ARHGAP15: variants seen among roughly 807,000 people sequenced by gnomAD.
ARHGAP15 encodes rho GTPase-activating protein 15.
In ARHGAP15, 51 loss-of-function variants were observed where a neutral mutation model predicts 63.7. That is an observed-to-expected ratio of 0.80 (90% CI 0.64 to 1.01). The LOEUF is 1.01. Among genes scored for constraint, ARHGAP15 ranks in the 50% least tolerant of loss-of-function variants. ARHGAP15 has a pLI of 0.00. For missense variants in ARHGAP15, 560 were observed against 564.6 expected (o/e 0.99, Z 0.08); for synonymous variants, 191 against 193.8 (o/e 0.99, Z 0.12).
intron 1 of ARHGAP15, among the ~76,000 whole-genome samples, chr2:143,141,220 A>T (rs1689348556): frequency 6.6e-6 from 1 of 152,114 alleles, no homozygotes; most frequent in Non-Finnish European, 1.5e-5. Context: ...TTGGTGGCAA[A>T]CTTGAACATG....
At chr2:143,645,375 G>T (rs987951298) in intron 12 of ARHGAP15, among the ~76,000 whole-genome samples, 2 of 152,012 alleles carry the variant, frequency 1.3e-5, no homozygotes, top group South Asian at 4.1e-4. Context: ...AACATGTAGG[G>T]TCAGCAGGAT....
chr2:143,258,198 A>G (rs1208151037), intron 6 of ARHGAP15, among the ~76,000 whole-genome samples: 1 of 152,078 alleles, frequency 6.6e-6, no homozygotes, highest in Non-Finnish European at 1.5e-5. Context: ...GACGCTATTC[A>G]GTTTTTAGAA....
At chr2:143,240,014 A>AAAAAAC (rs1693804065) in intron 5 of ARHGAP15, among the ~76,000 whole-genome samples, 1 of 147,862 alleles carries the variant, frequency 6.8e-6, no homozygotes, top group South Asian at 2.2e-4. Context: ...AAAAAAAAAA[A>AAAAAAC]AAAAAAACCA....
chr2:143,194,212 T>C (rs552099596), intron 2 of ARHGAP15, among the ~76,000 whole-genome samples: 1 of 152,336 alleles, frequency 6.6e-6, no homozygotes, highest in Admixed American at 6.5e-5. Flanking sequence ...TTGTTTTCTG[T>C]TGTCTTAAAT....
intron 3 of ARHGAP15, among the ~76,000 whole-genome samples, chr2:143,206,250 A>G (rs1692326418): frequency 6.6e-6 from 1 of 152,070 alleles, no homozygotes. Context: ...AGAGGCCATG[A>G]CTTGTATTTT....
intron 10 of ARHGAP15, among the ~76,000 whole-genome samples, chr2:143,522,636 G>A (rs146890780): frequency 2.3e-4 from 35 of 152,226 alleles, no homozygotes; most frequent in African/African-American, 7.7e-4. Flanking sequence ...CACATTGGAA[G>A]AAGAAGAATT....
At chr2:143,504,240 A>G (rs1693202440) in intron 9 of ARHGAP15, among the ~76,000 whole-genome samples, 1 of 152,154 alleles carries the variant, frequency 6.6e-6, no homozygotes. Context: ...CAATTTTGTT[A>G]TTCATTTAAT....
intron 10 of ARHGAP15, among the ~76,000 whole-genome samples, chr2:143,545,609 C>T (rs542700575): frequency 6.6e-5 from 10 of 151,542 alleles, no homozygotes; most frequent in African/African-American, 2.2e-4. Flanking sequence ...TTTTCTTGTG[C>T]CATAATCCCC....
intron 11 of ARHGAP15, among the ~76,000 whole-genome samples, chr2:143,575,762 C>T (rs533072658): frequency 6.6e-6 from 1 of 152,198 alleles, no homozygotes; most frequent in Admixed American, 6.6e-5. Flanking sequence ...AGCCTGAATC[C>T]ATTATTTCCA....
intron 8 of ARHGAP15, among the ~76,000 whole-genome samples, chr2:143,457,521 T>G (rs1457869098): frequency 6.6e-6 from 1 of 151,582 alleles, no homozygotes; most frequent in Non-Finnish European, 1.5e-5. Context: ...AGTGAAACCC[T>G]GTGTTGTTTT....
intron 13 of ARHGAP15, among the ~76,000 whole-genome samples, chr2:143,704,841 T>C (rs1373999486): frequency 6.6e-6 from 1 of 152,218 alleles, no homozygotes; most frequent in African/African-American, 2.4e-5. Flanking sequence ...TGATTTTTCA[T>C]TGTGAATGTA....
chr2:143,659,511 G>T (rs536959582), intron 12 of ARHGAP15, among the ~76,000 whole-genome samples: 2 of 152,270 alleles, frequency 1.3e-5, no homozygotes, highest in African/African-American at 2.4e-5. Context: ...GCTGGGTAGT[G>T]ATTTCCTGGG....
At chr2:143,379,169 A>G (rs955876480) in intron 6 of ARHGAP15, among the ~76,000 whole-genome samples, 1 of 151,922 alleles carries the variant, frequency 6.6e-6, no homozygotes, top group African/African-American at 2.4e-5. Context: ...CATGCCTTCC[A>G]TGTACATGAC....
At chr2:143,504,000 G>T (rs1693190303) in intron 9 of ARHGAP15, among the ~76,000 whole-genome samples, 2 of 152,152 alleles carry the variant, frequency 1.3e-5, no homozygotes, top group Non-Finnish European at 2.9e-5. Flanking sequence ...AATTACACAT[G>T]GAAAAGTGTG....
intron 8 of ARHGAP15, among the ~76,000 whole-genome samples, chr2:143,448,883 A>G (rs1457174944): frequency 6.6e-6 from 1 of 152,044 alleles, no homozygotes; most frequent in Non-Finnish European, 1.5e-5. Flanking sequence ...TGACATAAAT[A>G]ACTTCTTTAA....
At chr2:143,459,486 A>G (rs867002803) in intron 8 of ARHGAP15, among the ~76,000 whole-genome samples, 2 of 152,150 alleles carry the variant, frequency 1.3e-5, no homozygotes, top group Non-Finnish European at 2.9e-5. Flanking sequence ...ATCAACTACT[A>G]TATTTCATTG....
chr2:143,595,061 G>C (rs1375962673), intron 11 of ARHGAP15, among the ~76,000 whole-genome samples: 1 of 152,102 alleles, frequency 6.6e-6, no homozygotes, highest in Non-Finnish European at 1.5e-5. Context: ...ATGAAGAGTG[G>C]TGCTGTCTTT....
At chr2:143,722,170 GAAAC>G (rs1685089175) in intron 13 of ARHGAP15, among the ~76,000 whole-genome samples, 1 of 151,180 alleles carries the variant, frequency 6.6e-6, no homozygotes, top group African/African-American at 2.4e-5. Flanking sequence ...TACTTGAAAA[GAAAC>G]ACACACACAC....
chr2:143,399,064 T>C (rs534512718), intron 6 of ARHGAP15, among the ~76,000 whole-genome samples: 5 of 152,106 alleles, frequency 3.3e-5, no homozygotes, highest in East Asian at 1.9e-4. Context: ...CTGAAAGAAA[T>C]TGTAGAATAA....
Sources: allele counts gnomAD v4.1 joint callset (sites outside exome capture counted in the v4.1 genomes callset), GRCh38; gene constraint gnomAD v4.1.1; transcripts MANE v1.5; gene names NCBI Gene and HGNC (gene_info 2026-07-23, HGNC 2026-07-21).